Variants in DACH2 observed in about 807,000 individuals in gnomAD.
DACH2 encodes dachshund homolog 2.
A neutral mutation model predicts 35.8 loss-of-function variants in DACH2; 17 were observed. The ratio of observed to expected loss-of-function variants is 0.48; its 90% CI spans 0.33 to 0.71. The LOEUF is 0.71. DACH2 is among the 30% of genes least tolerant of loss of function. The probability of loss-of-function intolerance (pLI) is 0.02; values close to 1 mark genes in which losing one functional copy is unlikely to be tolerated. For synonymous variants in DACH2, 195 were observed against 177.3 expected (o/e 1.10, Z -0.79); for missense variants, 469 against 472.7 (o/e 0.99, Z 0.07).
intron 4 of DACH2, among the ~76,000 whole-genome samples, chrX:86,656,693 C>A (rs1335762735): frequency 3.7e-5 from 4 of 108,259 alleles, no homozygotes; most frequent in South Asian, 4.0e-4. Flanking sequence ...CTGGGAATTA[C>A]TGTTTTCACT....
chrX:86,320,726 A>G (rs1392405347), intron 1 of DACH2, among the ~76,000 whole-genome samples: 2 of 112,268 alleles, frequency 1.8e-5, no homozygotes, highest in African/African-American at 6.5e-5. Flanking sequence ...TTAAGTAGCC[A>G]TTGGCTTTTG....
At chrX:86,372,412 C>T (rs186231132) in intron 1 of DACH2, among the ~76,000 whole-genome samples, 283 of 110,735 alleles carry the variant, frequency 2.6e-3, no homozygotes, top group African/African-American at 8.8e-3. Flanking sequence ...ACACCTATAA[C>T]CCTTAAAATA....
intron 3 of DACH2, among the ~76,000 whole-genome samples, chrX:86,646,197 T>A (rs1175549867): frequency 9.0e-6 from 1 of 111,049 alleles, no homozygotes; most frequent in East Asian, 2.8e-4. Flanking sequence ...GAAATGAAAA[T>A]TCAAACACTG....
chrX:86,192,700 A>T (rs1053934811), intron 1 of DACH2, among the ~76,000 whole-genome samples: 2 of 112,374 alleles, frequency 1.8e-5, no homozygotes, highest in Non-Finnish European at 3.8e-5. Flanking sequence ...GAACAGGAAT[A>T]GTCAATTGCC....
At chrX:86,279,702 A>T (rs191715211) in intron 1 of DACH2, among the ~76,000 whole-genome samples, 1 of 110,480 alleles carries the variant, frequency 9.1e-6, no homozygotes, top group East Asian at 2.9e-4. Flanking sequence ...TTCAGAAGAT[A>T]GGTAATAACA....
At chrX:86,499,718 G>A (rs1286285394) in intron 2 of DACH2, among the ~76,000 whole-genome samples, 2 of 110,680 alleles carry the variant, frequency 1.8e-5, no homozygotes, top group East Asian at 5.9e-4. Context: ...CTTCCTTCAT[G>A]ATTTTTCATT....
At chrX:86,409,436 G>T (rs770457795) in intron 2 of DACH2, among the ~76,000 whole-genome samples, 1 of 111,344 alleles carries the variant, frequency 9.0e-6, no homozygotes, top group African/African-American at 3.3e-5. Context: ...TTGGATCATG[G>T]GGGTGGATGT....
chrX:86,461,792 C>A (rs1381279492), intron 2 of DACH2, among the ~76,000 whole-genome samples: 1 of 111,424 alleles, frequency 9.0e-6, no homozygotes, highest in African/African-American at 3.2e-5. Context: ...TTATCTTATT[C>A]TTTGCTTTCT....
intron 11 of DACH2, among the ~76,000 whole-genome samples, chrX:86,818,883 G>A (rs2042478883): frequency 9.1e-6 from 1 of 109,482 alleles, no homozygotes; most frequent in Non-Finnish European, 1.9e-5. Context: ...ACATTACATG[G>A]CCACTCCTGG....
chrX:86,557,031 G>T (rs1386325326), intron 3 of DACH2, among the ~76,000 whole-genome samples: 1 of 108,481 alleles, frequency 9.2e-6, no homozygotes. Flanking sequence ...GCTGGTATAA[G>T]TCCAGGAGTC....
chrX:86,450,343 ATTAG>A (rs754782259), intron 2 of DACH2, among the ~76,000 whole-genome samples: 34 of 111,305 alleles, frequency 3.1e-4, no homozygotes, highest in African/African-American at 1.1e-3. Flanking sequence ...CTCTTCCTGC[ATTAG>A]TTTGAGGAGC....
chrX:86,534,637 T>C (rs1226315045), intron 3 of DACH2, among the ~76,000 whole-genome samples: 2 of 112,014 alleles, frequency 1.8e-5, no homozygotes, highest in Non-Finnish European at 3.8e-5. Context: ...TCCCTTTCTA[T>C]TGCTGAATGA....
rs565438072 is a variant in DACH2, at chrX:86,369,984, G to A, written c.489-6840G>A. ...CTGTACAGTGATGATTTTGAATAAGGGTAAAGTGTCCCTTCACAAGGTCAA... is the reference window on the plus strand; with the variant it reads ...CTGTACAGTGATGATTTTGAATAAGAGTAAAGTGTCCCTTCACAAGGTCAA... On this transcript the variant is annotated intron_variant, in intron 1 of 11. Coordinates refer to ENST00000373125, the MANE Select transcript of DACH2 (RefSeq NM_053281.3). 1.0e-3 allele frequency among the ~76,000 whole-genome samples: 116 copies of A among 111,229 alleles called. 1 individual carries two copies. The highest frequency in any genetic ancestry group is 3.5e-3 in the African/African-American group (109 of 30,708).
chrX:86,687,099 A>T (rs1016525240), intron 4 of DACH2, among the ~76,000 whole-genome samples: 1 of 112,428 alleles, frequency 8.9e-6, no homozygotes, highest in Admixed American at 9.5e-5. Context: ...ACTTTGAAGC[A>T]TCAGTTCCTT....
intron 2 of DACH2, among the ~76,000 whole-genome samples, chrX:86,463,700 C>T (rs2037614906): frequency 9.0e-6 from 1 of 111,566 alleles, no homozygotes; most frequent in African/African-American, 3.3e-5. Context: ...TAAAGAGCTT[C>T]TGCACAGCAA....
At chrX:86,274,621 A>G (rs975534164) in intron 1 of DACH2, among the ~76,000 whole-genome samples, 7 of 105,913 alleles carry the variant, frequency 6.6e-5, no homozygotes, top group Non-Finnish European at 1.2e-4. Flanking sequence ...CAGCCTCTCG[A>G]GTAGCTGGGA....
At chrX:86,813,079 T>C in intron 8 of DACH2, 51 bp from the exon 9 acceptor site, 1 of 1,163,498 alleles carries the variant, frequency 8.6e-7, no homozygotes, top group Non-Finnish European at 1.1e-6. Context: ...TTATATTTGA[T>C]AAATTAAAAC....
At chrX:86,664,044 T>C (rs1055814981) in intron 4 of DACH2, among the ~76,000 whole-genome samples, 6 of 111,997 alleles carry the variant, frequency 5.4e-5, no homozygotes, top group Admixed American at 9.5e-5. Flanking sequence ...CAGCAGTGTC[T>C]ATGAAAAATA....
chrX:86,652,786 C>A (rs1325946281), intron 4 of DACH2, among the ~76,000 whole-genome samples: 3 of 111,715 alleles, frequency 2.7e-5, no homozygotes, highest in African/African-American at 9.8e-5. Context: ...CACATTTGAA[C>A]AGGGTTGTTT....
Sources: gnomAD v4.1 joint callset for allele counts (sites outside exome capture counted in the v4.1 genomes callset) on GRCh38, gnomAD v4.1.1 for gene constraint, MANE v1.5 for transcripts, NCBI Gene and HGNC (gene_info 2026-07-23, HGNC 2026-07-21) for gene names.